Variants in IMMP2L observed in about 807,000 individuals in gnomAD.
IMMP2L encodes inner mitochondrial membrane peptidase subunit 2.
In IMMP2L, 18 loss-of-function variants were observed where a neutral mutation model predicts 19.3. That is an observed-to-expected ratio of 0.93 (90% CI 0.64 to 1.38). The LOEUF (loss-of-function observed/expected upper bound fraction) is 1.38. Among genes scored for constraint, IMMP2L ranks in the 40% most tolerant of loss-of-function variants. IMMP2L has a pLI of 0.00. For synonymous variants in IMMP2L, 76 were observed against 73.0 expected, an observed-to-expected ratio of 1.04 and a Z score of -0.21; for missense variants, 233 against 218.2, an observed-to-expected ratio of 1.07 and a Z score of -0.43.
intron 4 of IMMP2L, among the ~76,000 whole-genome samples, chr7:110,900,714 G>A (rs976961896): frequency 1.3e-5 from 2 of 152,136 alleles, no homozygotes; most frequent in South Asian, 2.1e-4. Context: ...TCCATTTTAC[G>A]ATGTTGAGTA....
intron 5 of IMMP2L, among the ~76,000 whole-genome samples, chr7:110,683,070 A>G (rs1792848204): frequency 6.6e-6 from 1 of 152,036 alleles, no homozygotes; most frequent in Non-Finnish European, 1.5e-5. Flanking sequence ...TGAGTGGGGG[A>G]AATACTTCTA....
At chr7:111,132,668 A>C (rs1469382228) in intron 3 of IMMP2L, among the ~76,000 whole-genome samples, 1 of 152,044 alleles carries the variant, frequency 6.6e-6, no homozygotes, top group Admixed American at 6.5e-5. Flanking sequence ...ATGTAGTTCA[A>C]GAGAACAAAA....
intron 5 of IMMP2L, among the ~76,000 whole-genome samples, chr7:110,719,145 A>T (rs1795417703): frequency 6.6e-6 from 1 of 152,210 alleles, no homozygotes; most frequent in African/African-American, 2.4e-5. Flanking sequence ...CAAAACAAAG[A>T]TAATCAGATC....
At chr7:110,988,275 T>C (rs1822064286) in intron 3 of IMMP2L, among the ~76,000 whole-genome samples, 3 of 152,170 alleles carry the variant, frequency 2.0e-5, no homozygotes, top group Non-Finnish European at 4.4e-5. Context: ...AGGAGCTGGG[T>C]TGTCAATGGC....
intron 5 of IMMP2L, among the ~76,000 whole-genome samples, chr7:110,827,581 G>A (rs1803613839): frequency 6.6e-6 from 1 of 152,150 alleles, no homozygotes. Flanking sequence ...AGCGTTGTGT[G>A]ACAAATACTG....
chr7:111,033,816 A>C (rs761485536), intron 3 of IMMP2L, among the ~76,000 whole-genome samples: 1 of 152,232 alleles, frequency 6.6e-6, no homozygotes, highest in Admixed American at 6.5e-5. Flanking sequence ...TATTCATAGC[A>C]GTGTTATTTA....
chr7:110,947,009 C>T (rs1326812859), intron 4 of IMMP2L, among the ~76,000 whole-genome samples: 6 of 152,116 alleles, frequency 3.9e-5, no homozygotes, highest in African/African-American at 9.6e-5. Context: ...CGTGAGCCAC[C>T]GCGCCTGGCC....
rs528975636 is a variant in IMMP2L, at chr7:111,316,428, T to A, written c.239+170810A>T. Among the ~76,000 whole-genome samples the A allele has an allele frequency of 8.5e-5, 13 of 152,258 alleles. No individual in the cohort carries two copies. In the South Asian group the frequency reaches 2.3e-3, roughly 27 times the overall value. ...GAGCCAACAAAGTAAAATTCTTAGTTATGATCTAAATGTATGATTTAGGGA... is the reference window on the plus strand; with the variant it reads ...GAGCCAACAAAGTAAAATTCTTAGTAATGATCTAAATGTATGATTTAGGGA... On this transcript the variant is annotated intron_variant, in intron 3 of 5. Transcript: ENST00000405709.
intron 4 of IMMP2L, among the ~76,000 whole-genome samples, chr7:110,896,969 T>C (rs1301732819): frequency 2.6e-5 from 4 of 152,100 alleles, no homozygotes. Flanking sequence ...TGTGCCACCA[T>C]GCCTCAATTT....
rs12670710 is a variant in IMMP2L, at chr7:110,736,744, T to C, written c.409-73023A>G. 2.1e-3 allele frequency among the ~76,000 whole-genome samples: 313 copies of C among 152,334 alleles called. 6 individuals are homozygous for C. In the East Asian group the frequency reaches 0.052, roughly 25 times the overall value. ...CATCTATTCTATGCCTGTCCTACCGTTGCATTTTGGAAGCAAAAACTTGTT... is the reference window on the plus strand; with the variant it reads ...CATCTATTCTATGCCTGTCCTACCGCTGCATTTTGGAAGCAAAAACTTGTT... On this transcript the variant is annotated intron_variant, in intron 5 of 5. Coordinates refer to ENST00000405709, the MANE Select transcript of IMMP2L (RefSeq NM_032549.4).
At chr7:111,210,012 G>A (rs1015092171) in intron 3 of IMMP2L, among the ~76,000 whole-genome samples, 1 of 152,176 alleles carries the variant, frequency 6.6e-6, no homozygotes, top group Non-Finnish European at 1.5e-5. Context: ...TTTGCCGAGA[G>A]TGAATAATCA....
intron 3 of IMMP2L, among the ~76,000 whole-genome samples, chr7:111,223,170 A>G (rs182291767): frequency 6.6e-6 from 1 of 152,182 alleles, no homozygotes; most frequent in East Asian, 1.9e-4. Flanking sequence ...TGCATTATGG[A>G]AAAATGATCA....
intron 3 of IMMP2L, chr7:111,122,609 G>C (rs1170729495): frequency 3.3e-6 from 2 of 600,130 alleles, no homozygotes; most frequent in African/African-American, 3.7e-5. Context: ...CAATGCAATT[G>C]TGGCACTGGC....
intron 3 of IMMP2L, among the ~76,000 whole-genome samples, chr7:111,319,018 A>C (rs192538058): frequency 1.2e-4 from 18 of 152,236 alleles, no homozygotes; most frequent in Admixed American, 1.2e-3. Context: ...AATGACCAAT[A>C]AGAAAACATC....
rs146588760 is a variant in IMMP2L at position 110,943,798 on chromosome 7, A to C, written c.305+19702T>G. 1.8e-3 allele frequency among the ~76,000 whole-genome samples: 272 copies of C among 152,108 alleles called. 2 individuals are homozygous for C. The highest frequency in any genetic ancestry group is 6.1e-3 in the African/African-American group (252 of 41,562). On this transcript the variant is annotated intron_variant, in intron 4 of 5. Transcript: ENST00000405709. ...TAAGACTTTTCAATAATAAACAAGC[A>C]TATCCTCATCCCCTTTGCTATGCAG...
rs1563144713 is a variant in IMMP2L, at chr7:110,996,696, TTTTTA to T, written c.240-33136_240-33132del. On this transcript the variant is annotated intron_variant, in intron 3 of 5. Transcript: ENST00000405709. ...GCCCTTTTCTTATTTTTTTTCAACT[TTTTTA>T]TTTTAAGACTGTAAATTCACATGCA... 4.6e-5 allele frequency among the ~76,000 whole-genome samples: 7 copies of T among 152,122 alleles called. No homozygotes were observed. The South Asian group carries it at 1.0e-3, about 23-fold the overall frequency.
At chr7:110,697,192 A>T (rs1793955848) in intron 5 of IMMP2L, among the ~76,000 whole-genome samples, 2 of 152,192 alleles carry the variant, frequency 1.3e-5, no homozygotes, top group African/African-American at 4.8e-5. Context: ...ATTTCAGCTA[A>T]ACATGTGACA....
intron 3 of IMMP2L, among the ~76,000 whole-genome samples, chr7:111,304,678 G>A (rs1822657702): frequency 7.3e-6 from 1 of 137,822 alleles, no homozygotes; most frequent in Non-Finnish European, 1.5e-5. Context: ...TAATGTGTGT[G>A]TGTGTGTGTG....
intron 5 of IMMP2L, among the ~76,000 whole-genome samples, chr7:110,873,789 A>T (rs1808785764): frequency 6.6e-6 from 1 of 151,988 alleles, no homozygotes; most frequent in Non-Finnish European, 1.5e-5. Context: ...AAAAAAAAAA[A>T]AAAAAGAAAG....
Sources: gnomAD v4.1 joint callset for allele counts (sites outside exome capture counted in the v4.1 genomes callset) on GRCh38, gnomAD v4.1.1 for gene constraint, MANE v1.5 for transcripts, NCBI Gene and HGNC (gene_info 2026-07-23, HGNC 2026-07-21) for gene names.